LRP6: variants seen among roughly 807,000 people sequenced by gnomAD.
The protein encoded by LRP6 is LDL receptor related protein 6.
A neutral mutation model predicts 184.1 loss-of-function variants in LRP6; 43 were observed. That is an observed-to-expected ratio of 0.23 (90% CI 0.18 to 0.30). The LOEUF (loss-of-function observed/expected upper bound fraction) is 0.30, where lower values mean the gene tolerates loss of function less well. Among genes scored for constraint, LRP6 ranks in the 10% least tolerant of loss-of-function variants. LRP6 has a pLI of 1.00. For synonymous variants in LRP6, 719 were observed against 684.9 expected (o/e 1.05, Z -0.78); for missense variants, 1,571 against 2,005.3 (o/e 0.78, Z 4.14).
At chr12:12,175,706 T>C (rs1301481125) in intron 7 of LRP6, among the ~76,000 whole-genome samples, 1 of 141,328 alleles carries the variant, frequency 7.1e-6, no homozygotes, top group African/African-American at 2.7e-5. Flanking sequence ...AAAAATAAAA[T>C]AAAATAAAAT....
At chr12:12,148,020 A>G (rs189567225) in intron 14 of LRP6, among the ~76,000 whole-genome samples, 3 of 96,168 alleles carry the variant, frequency 3.1e-5, no homozygotes, top group African/African-American at 1.6e-4. Context: ...ATATATGTGT[A>G]TATATATATA....
At chr12:12,253,916 G>A (rs2135934765) in intron 1 of LRP6, among the ~76,000 whole-genome samples, 1 of 152,028 alleles carries the variant, frequency 6.6e-6, no homozygotes, top group East Asian at 1.9e-4. Flanking sequence ...AGCTGAGGTG[G>A]GCATATCACT....
chr12:12,135,076 T>C lies in LRP6; in HGVS notation c.3733+99A>G, dbSNP rs555279269. 70 of 1,556,598 alleles carry C rather than the reference T, an allele frequency of 4.5e-5. 1 individual carries two copies. The South Asian group carries it at 5.8e-4, about 13-fold the overall frequency. On this transcript the variant is annotated intron_variant, in intron 17 of 22. Transcript: ENST00000261349. ...GAACACACGCAACCAATTAAGTTAG[T>C]AGACAGAGCAACTTCAATGCCTAGT... is the stretch of plus-strand genomic sequence containing the variant.
intron 12 of LRP6, among the ~76,000 whole-genome samples, chr12:12,153,648 T>C (rs143730308): frequency 1.6e-3 from 241 of 152,346 alleles, no homozygotes; most frequent in African/African-American, 5.5e-3. Flanking sequence ...GTGTTTAAAA[T>C]GACAAAGAAT....
intron 15 of LRP6, 59 bp downstream of exon 15, chr12:12,147,307 C>A (rs1950022402): frequency 1.3e-6 from 2 of 1,563,312 alleles, no homozygotes; most frequent in Admixed American, 3.3e-5. Context: ...AAGAAAAACA[C>A]AATAGATGAA....
chr12:12,173,884 C>T (rs1392849219), intron 7 of LRP6, among the ~76,000 whole-genome samples: 1 of 152,160 alleles, frequency 6.6e-6, no homozygotes, highest in African/African-American at 2.4e-5. Context: ...AGGTTTACAA[C>T]TCAATGAACA....
intron 3 of LRP6, among the ~76,000 whole-genome samples, chr12:12,195,315 C>A (rs947543091): frequency 1.3e-5 from 2 of 152,058 alleles, no homozygotes; most frequent in African/African-American, 2.4e-5. Flanking sequence ...ATACTCCCAC[C>A]AACAGTGTAT....
In LRP6 at chr12:12,159,878, T is replaced by C; in HGVS notation, c.2366A>G (p.Asn789Ser). ...DGSERTTLVP[N>S]VGRANGLTID... Reference sequence around the variant, plus strand: ...AGTTAGGCCGTTTGCCCGCCCCACATTTGGAACTAAGGTAGTACGTTCACT... The same window carrying C: ...AGTTAGGCCGTTTGCCCGCCCCACACTTGGAACTAAGGTAGTACGTTCACT... Residue 789 changes from asparagine (N) to serine (S), a missense_variant, in exon 11 of 23, where the codon AAT becomes AGT. Physicochemically the swap from Asn to Ser is conservative, Grantham distance 46. Around this residue, in one of 4 missense-constraint regions of LRP6, gnomAD observed 158 missense variants for 258.4 expected, o/e 0.61. Coordinates refer to ENST00000261349, the MANE Select transcript of LRP6 (RefSeq NM_002336.3). The C allele has an allele frequency of 6.2e-7, 1 of 1,614,138 alleles. No homozygotes were observed. The highest frequency in any genetic ancestry group is 1.1e-5 in the South Asian group (1 of 91,086).
At chr12:12,204,513 G>A (rs1336750942) in intron 2 of LRP6, among the ~76,000 whole-genome samples, 1 of 152,024 alleles carries the variant, frequency 6.6e-6, no homozygotes, top group Admixed American at 6.6e-5. Flanking sequence ...GGATACAGAG[G>A]GGTTTGCTAT....
Position 12,150,746 on chromosome 12 carries a change from A to T in LRP6, c.2994+90T>A, listed in dbSNP as rs916792872. On this transcript the variant is annotated intron_variant, in intron 13 of 22. Coordinates refer to ENST00000261349, the MANE Select transcript of LRP6 (RefSeq NM_002336.3). The stretch of plus-strand genomic sequence containing the variant: ...TTCATACACACATACACACACACTT[A>T]AGCAGAGTCAAGACTTAAGTGAAAC... 2.1e-5 allele frequency: 28 copies of T among 1,357,838 alleles called. No individual in the cohort carries two copies. In the South Asian group the frequency reaches 3.0e-4, roughly 15 times the overall value. 84.1% of individuals were successfully genotyped at this position (1,357,838 alleles called of 1,614,324 possible). A position where few individuals can be genotyped will look rare whatever the true frequency, so the allele number is the denominator to read the frequency against.
At chr12:12,245,743 T>C (rs549437665) in intron 1 of LRP6, among the ~76,000 whole-genome samples, 2 of 152,152 alleles carry the variant, frequency 1.3e-5, no homozygotes, top group Non-Finnish European at 2.9e-5. Flanking sequence ...AAGTTGAAGC[T>C]GTTGGGAGTG....
At chr12:12,135,463 C>G (rs1949824204) in intron 16 of LRP6, among the ~76,000 whole-genome samples, 163 bp from the exon 17 acceptor site, 1 of 135,730 alleles carries the variant, frequency 7.4e-6, no homozygotes, top group Non-Finnish European at 1.6e-5. Flanking sequence ...TTATTATGGA[C>G]TTTTTTTACT....
rs190755605 is a variant in LRP6, at chr12:12,183,409, G to A, written c.976+571C>T. Among the ~76,000 whole-genome samples, 154 of 152,254 alleles carry A rather than the reference G, an allele frequency of 1.0e-3. 1 individual carries two copies. The highest frequency in any genetic ancestry group is 3.6e-3 in the African/African-American group (149 of 41,534). On this transcript the variant is annotated intron_variant, in intron 5 of 22. Transcript: ENST00000261349. ...CCTAAATCAGTATACTTTCTCCAACGTGCCCTCTCTCTATAGGGAATTAAG... is the reference window on the plus strand; with the variant it reads ...CCTAAATCAGTATACTTTCTCCAACATGCCCTCTCTCTATAGGGAATTAAG...
At chr12:12,222,582 A>G (rs1286862004) in intron 2 of LRP6, among the ~76,000 whole-genome samples, 3 of 150,490 alleles carry the variant, frequency 2.0e-5, no homozygotes, top group Non-Finnish European at 4.4e-5. Flanking sequence ...AAAAAAAGAA[A>G]GAAAGAAAGA....
intron 1 of LRP6, among the ~76,000 whole-genome samples, chr12:12,247,580 T>C (rs1865219465): frequency 6.6e-6 from 1 of 152,212 alleles, no homozygotes; most frequent in South Asian, 2.1e-4. Context: ...CTGCTGCACA[T>C]AAACCACACT....
chr12:12,211,925 C>T (rs1864222044), intron 2 of LRP6, among the ~76,000 whole-genome samples: 1 of 152,108 alleles, frequency 6.6e-6, no homozygotes, highest in Non-Finnish European at 1.5e-5. Flanking sequence ...ATACGTCATT[C>T]CTCTTTCCAA....
At position 12,158,898 on chromosome 12, in the gene LRP6, G is replaced by T; in HGVS notation, c.2722C>A (p.Pro908Thr). The change falls in exon 12 of 23, where the codon CCA becomes ACA. Residue 908 changes from proline to threonine, a missense_variant. Physicochemically the swap from Pro to Thr is conservative, Grantham distance 38. Transcript: ENST00000261349. Reference protein sequence around the residue: ...GHCSHLCLAVPVGGFVCGCPA... With the variant: ...GHCSHLCLAVTVGGFVCGCPA... ...CATCCACAAACAAAACCCCCAACTG[G>T]CACAGCCAAGCAGAGGTGGGAGCAG... 1 of 1,614,174 alleles carries T rather than the reference G, an allele frequency of 6.2e-7. No homozygotes were observed. Among genetic ancestry groups the T allele is most frequent in the Non-Finnish European group, 8.5e-7 (1 of 1,180,020 alleles).
At chr12:12,211,887 A>G (rs778401661) in intron 2 of LRP6, among the ~76,000 whole-genome samples, 4 of 152,092 alleles carry the variant, frequency 2.6e-5, no homozygotes, top group Non-Finnish European at 5.9e-5. Flanking sequence ...GAAAATGCTA[A>G]CTCTAGTAAT....
chr12:12,149,354 C>A (rs1017710419), intron 13 of LRP6, among the ~76,000 whole-genome samples: 3 of 152,002 alleles, frequency 2.0e-5, no homozygotes, highest in African/African-American at 7.3e-5. Flanking sequence ...CTTGGGTTAT[C>A]CTGCTGCTGA....
Sources: allele counts gnomAD v4.1 joint callset (sites outside exome capture counted in the v4.1 genomes callset), GRCh38; gene constraint gnomAD v4.1.1; regional missense constraint gnomAD v4.1.1; transcripts MANE v1.5; gene names NCBI Gene and HGNC (gene_info 2026-07-23, HGNC 2026-07-21).